Variants in CHL1 observed in about 807,000 individuals in gnomAD.
CHL1 encodes the protein cell adhesion molecule L1 like.
A neutral mutation model predicts 141.9 loss-of-function variants in CHL1; 96 were observed. The ratio of observed to expected loss-of-function variants is 0.68; its 90% confidence interval spans 0.57 to 0.80. CHL1 has a LOEUF of 0.80. CHL1 is among the 30% of genes least tolerant of loss of function. The pLI, the probability that CHL1 is intolerant of heterozygous loss-of-function variation, is 0.00. For synonymous variants in CHL1, 613 were observed against 502.2 expected, an observed-to-expected ratio of 1.22 and a Z score of -2.95; for missense variants, 1,820 against 1,457.2, an observed-to-expected ratio of 1.25 and a Z score of -4.05.
Position 377,897 on chromosome 3 carries a change from A to G in CHL1, c.1831A>G (p.Thr611Ala). Residue 611 changes from threonine (T) to alanine (A), a missense_variant, in exon 16 of 28, where the codon ACT (threonine) becomes GCT (alanine). Thr to Ala is a moderately conservative substitution (Grantham distance 58, BLOSUM62 0). Coordinates refer to ENST00000256509, the MANE Select transcript of CHL1 (RefSeq NM_006614.4). ...AGGTATTTACTGCTGTTCAGCTCAT[A>G]CTGCTCTAGACAGTGCTGCCGATAT... is the stretch of plus-strand genomic sequence containing the variant. ...DQGIYCCSAH[T>A]ALDSAADITQ... 1.2e-6 allele frequency: 2 copies of G among 1,612,992 alleles called. No individual in the cohort carries two copies. Among genetic ancestry groups the G allele is most frequent in the South Asian group, 1.1e-5 (1 of 90,802 alleles).
intron 15 of CHL1, among the ~76,000 whole-genome samples, chr3:368,871 A>G (rs1705244073): frequency 6.6e-6 from 1 of 151,888 alleles, no homozygotes; most frequent in South Asian, 2.1e-4. Context: ...CAGCGCTTCG[A>G]TTTGTCAGTT....
intron 13 of CHL1, among the ~76,000 whole-genome samples, chr3:362,449 G>A (rs1294357008): frequency 6.6e-6 from 1 of 151,930 alleles, no homozygotes. Context: ...TGTTCATCGT[G>A]GGTTTTTTGC....
At chr3:267,448 T>C (rs1574910883) in intron 2 of CHL1, among the ~76,000 whole-genome samples, 1 of 152,254 alleles carries the variant, frequency 6.6e-6, no homozygotes, top group Admixed American at 6.5e-5. Flanking sequence ...TACTTCATAA[T>C]ACTGCATTCA....
Position 333,128 on chromosome 3 carries a change from TTTTTA to T in CHL1, c.385+4779_385+4783del, listed in dbSNP as rs1376680593. 2.0e-4 allele frequency among the ~76,000 whole-genome samples: 21 copies of T among 103,906 alleles called. 7 individuals carry two copies. In the South Asian group the frequency reaches 2.9e-3, roughly 14 times the overall value. The allele number at this position is 103,906 out of a possible 152,430, so 68.2% of individuals were successfully genotyped here. On this transcript the variant is annotated intron_variant, in intron 5 of 27. Coordinates refer to ENST00000256509, the MANE Select transcript of CHL1 (RefSeq NM_006614.4). ...ACGTTGTTGGATAATTGCTCTATTT[TTTTTA>T]TTTTTTTTTTTTGCTGCTGCTGCAG... is the stretch of plus-strand genomic sequence containing the variant.
intron 2 of CHL1, among the ~76,000 whole-genome samples, chr3:319,091 A>C (rs967606869): frequency 6.6e-6 from 1 of 151,878 alleles, no homozygotes; most frequent in African/African-American, 2.4e-5. Flanking sequence ...CTCATTTAGA[A>C]GTGGAAGTCC....
chr3:293,655 T>C (rs903998408), intron 2 of CHL1, among the ~76,000 whole-genome samples: 1 of 152,210 alleles, frequency 6.6e-6, no homozygotes, highest in Non-Finnish European at 1.5e-5. Flanking sequence ...GATAAGATAC[T>C]ACCCAGTTTC....
intron 13 of CHL1, among the ~76,000 whole-genome samples, chr3:362,161 A>T (rs1704322302): frequency 6.6e-6 from 1 of 152,222 alleles, no homozygotes; most frequent in Non-Finnish European, 1.5e-5. Context: ...GGGATTATCT[A>T]AATGATTATC....
At chr3:387,020 T>C (rs1707788469) in intron 19 of CHL1, among the ~76,000 whole-genome samples, 1 of 152,180 alleles carries the variant, frequency 6.6e-6, no homozygotes, top group African/African-American at 2.4e-5. Flanking sequence ...CAATTTTTGT[T>C]TCTCAAGAAT....
At chr3:315,572 T>C (rs1357009992) in intron 2 of CHL1, among the ~76,000 whole-genome samples, 1 of 152,180 alleles carries the variant, frequency 6.6e-6, no homozygotes, top group Non-Finnish European at 1.5e-5. Context: ...ATGATGTGTA[T>C]GTTAGAGGCT....
At chr3:212,753 C>T (rs991919012) in intron 1 of CHL1, among the ~76,000 whole-genome samples, 1 of 152,194 alleles carries the variant, frequency 6.6e-6, no homozygotes, top group African/African-American at 2.4e-5. Flanking sequence ...CAACAGCTCA[C>T]TGCTCTTGTC....
At chr3:341,560 A>G (rs1325245536) in intron 6 of CHL1, among the ~76,000 whole-genome samples, 4 of 152,184 alleles carry the variant, frequency 2.6e-5, no homozygotes, top group Non-Finnish European at 4.4e-5. Context: ...CTCAGAAAAT[A>G]CAAGTGTTAA....
intron 2 of CHL1, among the ~76,000 whole-genome samples, chr3:252,208 A>G (rs1693747757): frequency 6.6e-6 from 1 of 151,382 alleles, no homozygotes; most frequent in Admixed American, 6.6e-5. Context: ...ATTTAAACAT[A>G]AAAATATTTA....
intron 3 of CHL1, among the ~76,000 whole-genome samples, chr3:324,692 G>A (rs574079330): frequency 1.7e-4 from 25 of 151,240 alleles, no homozygotes; most frequent in African/African-American, 2.9e-4. Context: ...AGGCTCAAGC[G>A]CAGTGGCTTG....
At chr3:375,164 G>C (rs1257713869) in intron 15 of CHL1, among the ~76,000 whole-genome samples, 2 of 152,124 alleles carry the variant, frequency 1.3e-5, no homozygotes, top group African/African-American at 4.8e-5. Flanking sequence ...GGTGGCCATA[G>C]ACCATACAGG....
At chr3:238,213 T>C (rs1245215193) in intron 1 of CHL1, among the ~76,000 whole-genome samples, 2 of 152,146 alleles carry the variant, frequency 1.3e-5, no homozygotes, top group Non-Finnish European at 2.9e-5. Context: ...TGGGCCTCCA[T>C]GATTTGAATC....
intron 10 of CHL1, among the ~76,000 whole-genome samples, chr3:353,647 A>T (rs1468092855): frequency 6.6e-6 from 1 of 152,144 alleles, no homozygotes; most frequent in Non-Finnish European, 1.5e-5. Flanking sequence ...TTTCCTTTTT[A>T]CATAATCCTC....
chr3:303,997 C>T (rs1698995436), intron 2 of CHL1, among the ~76,000 whole-genome samples: 1 of 152,096 alleles, frequency 6.6e-6, no homozygotes, highest in Admixed American at 6.5e-5. Context: ...TGGCTTTTGT[C>T]ATTGGTTCTG....
rs780558307 is a variant in CHL1 at position 341,994 on chromosome 3, C to A, written c.591C>A (p.Asp197Glu). The change falls in exon 7 of 28, where the codon GAC (aspartate) becomes GAA (glutamate). Residue 197 changes from aspartate (D) to glutamate (E), a missense_variant. By Grantham distance (45) the Asp-to-Glu change is conservative. Coordinates refer to ENST00000256509, the MANE Select transcript of CHL1 (RefSeq NM_006614.4). ...ACTTCGCAAACGTGGAAGAAAAGGA[C>A]AGTCGCAATGACTACTGTTGCTTTG... ...DLYFANVEEK[D>E]SRNDYCCFAA... 12 of 1,613,362 alleles carry A rather than the reference C, an allele frequency of 7.4e-6. No homozygotes were observed. In the East Asian group the frequency reaches 2.7e-4, roughly 36 times the overall value.
intron 2 of CHL1, among the ~76,000 whole-genome samples, chr3:279,219 G>GT (rs1324954529): frequency 6.6e-6 from 1 of 152,108 alleles, no homozygotes; most frequent in African/African-American, 2.4e-5. Context: ...AATAGTAAAA[G>GT]TTTTTTGATC....
Sources: allele counts gnomAD v4.1 joint callset (sites outside exome capture counted in the v4.1 genomes callset), GRCh38; gene constraint gnomAD v4.1.1; transcripts MANE v1.5; gene names NCBI Gene and HGNC (gene_info 2026-07-23, HGNC 2026-07-21).